The following SNX32 variants were observed in gnomAD, a reference collection of about 807,000 sequenced individuals.
SNX32 encodes the protein sorting nexin-32.
In SNX32, 58 loss-of-function variants were observed where a neutral mutation model predicts 57.0. The ratio of observed to expected loss-of-function variants is 1.02; its 90% CI spans 0.82 to 1.27. The LOEUF is 1.27. Ranked by LOEUF, SNX32 falls within the 50% of genes most tolerant of loss-of-function variation. The pLI, the probability that SNX32 is intolerant of heterozygous loss-of-function variation, is 0.00. For synonymous variants in SNX32, 262 were observed against 220.4 expected, an observed-to-expected ratio of 1.19 and a Z score of -1.67; for missense variants, 589 against 541.2, an observed-to-expected ratio of 1.09 and a Z score of -0.88.
intron 1 of SNX32, among the ~76,000 whole-genome samples, chr11:65,837,222 A>G (rs1858692952): frequency 6.6e-6 from 1 of 152,232 alleles, no homozygotes; most frequent in Non-Finnish European, 1.5e-5. Flanking sequence ...TACATCAGTA[A>G]TTACAATGAT....
In SNX32 at chr11:65,852,655, C is replaced by A. The variant is rs778241458; in HGVS notation, c.938C>A (p.Ala313Glu). 3.1e-6 allele frequency: 5 copies of A among 1,602,972 alleles called. No individual in the cohort carries two copies. In the South Asian group the frequency reaches 4.4e-5, roughly 14 times the overall value. Residue 313 changes from alanine to glutamate, a missense_variant, in exon 11 of 13, where the codon GCA becomes GAA. Transcript: ENST00000308342. ...GACCTGCTGTACCGGCGGCTGCGGGCACTGGCCGACTACGAGAATGCCAAC... is the reference window on the plus strand; with the variant it reads ...GACCTGCTGTACCGGCGGCTGCGGGAACTGGCCGACTACGAGAATGCCAAC... ...AKDLLYRRLR[A>E]LADYENANKA...
intron 1 of SNX32, among the ~76,000 whole-genome samples, chr11:65,847,177 T>A (rs1462115710): frequency 6.6e-6 from 1 of 152,024 alleles, no homozygotes; most frequent in Non-Finnish European, 1.5e-5. Flanking sequence ...AGCTAATTTT[T>A]AAAGTTTTTT....
chr11:65,851,248 CTTG>C (rs924530898), intron 7 of SNX32, 77 bp from the exon 8 acceptor site: 19 of 1,602,482 alleles, frequency 1.2e-5, no homozygotes, highest in South Asian at 6.6e-5. Flanking sequence ...CAGGGCGTGC[CTTG>C]TTGTTTGTCT....
intron 9 of SNX32, 142 bp from the exon 10 acceptor site, chr11:65,852,323 G>A (rs1200520130): frequency 1.4e-6 from 1 of 738,000 alleles, no homozygotes; most frequent in Non-Finnish European, 2.4e-6. Context: ...AGCCTTCCCT[G>A]GCCTGCACCC....
At chr11:65,847,103 G>A (rs974834714) in intron 1 of SNX32, among the ~76,000 whole-genome samples, 1 of 150,930 alleles carries the variant, frequency 6.6e-6, no homozygotes, top group Non-Finnish European at 1.5e-5. Context: ...CACCTCCCAA[G>A]CTCAATCTTC....
In SNX32 at chr11:65,845,511, C is replaced by T. The variant is rs1414430925; in HGVS notation, c.37-3967C>T. On this transcript the variant is annotated intron_variant, in intron 1 of 12. Transcript: ENST00000308342. ...CAACATTTTGGAAGGCCAAGGTGGGCGGATCACCTGAGGTCAGGAGTTTGA... is the reference window on the plus strand; with the variant it reads ...CAACATTTTGGAAGGCCAAGGTGGGTGGATCACCTGAGGTCAGGAGTTTGA... Among the ~76,000 whole-genome samples, 10 of 151,530 alleles carry T rather than the reference C, an allele frequency of 6.6e-5. No homozygotes were observed. In the East Asian group the frequency reaches 7.8e-4, roughly 12 times the overall value.
rs1405172509 is a variant in SNX32 at position 65,851,650 on chromosome 11, A to G, written c.796A>G (p.Lys266Glu). The change falls in exon 9 of 13, where the codon AAA becomes GAA. Residue 266 changes from lysine (K) to glutamate (E), a missense_variant. Transcript: ENST00000308342. ...EVNQLRTSFL[K>E]LAELFERLRK... ...CCTACTGCTTCCTAGGAGCTTCCTC[A>G]AATTGGCAGAGCTCTTTGAACGGCT... 1 of 1,614,104 alleles carries G rather than the reference A, an allele frequency of 6.2e-7. No individual in the cohort carries two copies. The highest frequency in any genetic ancestry group is 1.7e-5 in the Admixed American group (1 of 60,012).
chr11:65,839,591 C>T (rs1858781462), intron 1 of SNX32, among the ~76,000 whole-genome samples: 2 of 150,710 alleles, frequency 1.3e-5, no homozygotes, highest in Non-Finnish European at 2.9e-5. Flanking sequence ...GTGATCCACT[C>T]GCCTCGGCCT....
intron 1 of SNX32, among the ~76,000 whole-genome samples, chr11:65,839,215 ATTTTTTTGTATTTTTT>A (rs1200595672): frequency 1.0e-4 from 2 of 19,514 alleles, no homozygotes; most frequent in South Asian, 2.3e-3. Context: ...CGCCCAGCTA[ATTTTTTTGTATTTTTT>A]TTTTTTTTTT....
chr11:65,847,662 CACCT>C (rs1565250758), intron 1 of SNX32, among the ~76,000 whole-genome samples: 5 of 152,096 alleles, frequency 3.3e-5, no homozygotes, highest in Non-Finnish European at 5.9e-5. Context: ...GTAATCCCAG[CACCT>C]TGGGAGGCCG....
chr11:65,841,970 G>T (rs1372703104), intron 1 of SNX32, among the ~76,000 whole-genome samples: 1 of 152,040 alleles, frequency 6.6e-6, no homozygotes, highest in Non-Finnish European at 1.5e-5. Flanking sequence ...CTATATATTT[G>T]ATATAATCAC....
At position 65,850,733 on chromosome 11, in the gene SNX32, C is replaced by T; in HGVS notation, c.499-18C>T. The T allele has an allele frequency of 1.2e-6, 2 of 1,611,612 alleles. No individual in the cohort carries two copies. Among genetic ancestry groups the T allele is most frequent in the Non-Finnish European group, 1.7e-6 (2 of 1,178,028 alleles). Reference sequence around the variant, plus strand: ...GAGAACGCCCACCCCAGCATCATACCCTCCCTGTGTGCCTCAGCTGAGTGT... The same window carrying T: ...GAGAACGCCCACCCCAGCATCATACTCTCCCTGTGTGCCTCAGCTGAGTGT... On this transcript the variant is annotated intron_variant, in intron 5 of 12. Coordinates refer to ENST00000308342, the MANE Select transcript of SNX32 (RefSeq NM_152760.3).
chr11:65,852,722 G>A lies in SNX32; in HGVS notation c.1005G>A (p.Arg335=), dbSNP rs1490122237. 3.7e-6 allele frequency: 6 copies of A among 1,600,938 alleles called. No homozygotes were observed. The East Asian group carries it at 1.3e-4, about 36-fold the overall frequency. The part of the protein sequence containing the change: ...DKARTRNREV[R]PAESHQQLCC... The stretch of plus-strand genomic sequence containing the variant: ...CGCGCACCAGGAACCGGGAGGTGCG[G>A]CCCGCCGAGAGCCACCAGCAGCTGT... Residue 335 remains arginine, a synonymous_variant, in exon 11 of 13, where the codon CGG becomes CGA. Transcript: ENST00000308342.
chr11:65,853,019 C>G, intron 12 of SNX32, 61 bp downstream of exon 12: 1 of 1,557,028 alleles, frequency 6.4e-7, no homozygotes, highest in African/African-American at 1.4e-5. Context: ...TCCCTCCCTC[C>G]CCCAGGCACC....
At chr11:65,848,604 C>A (rs1418489781) in intron 1 of SNX32, among the ~76,000 whole-genome samples, 1 of 152,160 alleles carries the variant, frequency 6.6e-6, no homozygotes, top group Non-Finnish European at 1.5e-5. Flanking sequence ...TAGCTCAATG[C>A]AAGAATGAGC....
chr11:65,839,221 TTGTA>T (rs1212879902), intron 1 of SNX32, among the ~76,000 whole-genome samples: 929 of 22,674 alleles, frequency 0.041, 123 homozygotes, highest in Non-Finnish European at 0.092. Flanking sequence ...GCTAATTTTT[TTGTA>T]TTTTTTTTTT....
Position 65,852,779 on chromosome 11 carries a change from C to G in SNX32, c.1062C>G (p.Ser354=), listed in dbSNP as rs768920081. The change falls in exon 11 of 13, where the codon TCC becomes TCG. Residue 354 remains serine, a synonymous_variant. Transcript: ENST00000308342. ...CCQRFERLSD[S]AKQELMDFKS... ...AACGCTTCGAGCGCCTCTCCGACTC[C>G]GCCAAGCAAGGTGAGCCCGCAGCCC... The G allele has an allele frequency of 1.2e-6, 2 of 1,610,152 alleles. No homozygotes were observed. Among genetic ancestry groups the G allele is most frequent in the Non-Finnish European group, 1.7e-6 (2 of 1,178,142 alleles).
Position 65,853,071 on chromosome 11 carries a change from G to GT in SNX32, c.1158+114dup, listed in dbSNP as rs975295739. On this transcript the variant is annotated intron_variant, in intron 12 of 12. Coordinates refer to ENST00000308342, the MANE Select transcript of SNX32 (RefSeq NM_152760.3). ...TGAGGGTGTGCACGCATGTATGCGC[G>GT]TGTGTGTGCATGAGAGGAGCCCCAG... is the stretch of plus-strand genomic sequence containing the variant. 9.2e-6 allele frequency: 12 copies of GT among 1,300,450 alleles called. No homozygotes were observed. In the African/African-American group the frequency reaches 1.8e-4, roughly 20 times the overall value. The allele number at this position is 1,300,450 out of a possible 1,614,324, so 80.6% of individuals were successfully genotyped here.
chr11:65,834,240 AT>A, intron 1 of SNX32, 139 bp downstream of exon 1: 1 of 953,572 alleles, frequency 1.0e-6, no homozygotes, highest in East Asian at 2.9e-5. Context: ...CTGTGTGTGT[AT>A]AGTCTGCATG....
Sources: allele counts gnomAD v4.1 joint callset (sites outside exome capture counted in the v4.1 genomes callset), GRCh38; gene constraint gnomAD v4.1.1; transcripts MANE v1.5; gene names NCBI Gene and HGNC (gene_info 2026-07-23, HGNC 2026-07-21).